The following RIBC1 variants were observed in gnomAD, a reference collection of about 807,000 sequenced individuals.
The protein encoded by RIBC1 is RIB43A domain with coiled-coils 1.
In RIBC1, 12 loss-of-function variants were observed where a neutral mutation model predicts 33.7. The ratio of observed to expected loss-of-function variants is 0.36; its 90% CI spans 0.23 to 0.58. The LOEUF (loss-of-function observed/expected upper bound fraction) is 0.58, where lower values mean the gene tolerates loss of function less well. Ranked by LOEUF, RIBC1 falls within the 20% of genes least tolerant of loss-of-function variation. The probability of loss-of-function intolerance (pLI) is 0.81; values close to 1 mark genes in which losing one functional copy is unlikely to be tolerated. For missense variants in RIBC1, 242 were observed against 311.6 expected (o/e 0.78, Z 1.68); for synonymous variants, 89 against 109.0 (o/e 0.82, Z 1.14).
Position 53,430,458 on chromosome X carries a change from G to A in RIBC1, c.726G>A (p.Ala242=), listed in dbSNP as rs372013652. 4.5e-5 allele frequency: 55 copies of A among 1,209,484 alleles called. No individual in the cohort carries two copies. The African/African-American group carries it at 5.1e-4, about 11-fold the overall frequency. The change falls in exon 7 of 8, where the codon GCG becomes GCA. Residue 242 remains alanine, a synonymous_variant. Coordinates refer to ENST00000375327, the MANE Select transcript of RIBC1 (RefSeq NM_001031745.5). ...AGCGTGAACAGAAGGCCAACCTTGCGGAGATCCAGCACCAGAGCACGAGTG... is the reference window on the plus strand; with the variant it reads ...AGCGTGAACAGAAGGCCAACCTTGCAGAGATCCAGCACCAGAGCACGAGTG... ...ERQREQKANL[A]EIQHQSTSDL... is the part of the protein sequence containing the mutation.
At chrX:53,423,560 G>A (rs962803781) in intron 2 of RIBC1, among the ~76,000 whole-genome samples, 158 bp downstream of exon 2, 1 of 111,301 alleles carries the variant, frequency 9.0e-6, no homozygotes, top group South Asian at 3.8e-4. Context: ...TCATTAATAA[G>A]GCAGGGGCCT....
In RIBC1 at chrX:53,422,905, C is replaced by T. The variant is rs1217284976; in HGVS notation, c.-189C>T. The T allele has an allele frequency of 3.6e-6, 1 of 278,114 alleles. No homozygotes were observed. The highest frequency in any genetic ancestry group is 6.7e-6 in the Non-Finnish European group (1 of 149,901). The allele number at this position is 278,114 out of a possible 1,213,427, so 22.9% of individuals were successfully genotyped here. On this transcript the variant is annotated 5_prime_UTR_variant, in exon 1 of 8. Transcript: ENST00000375327. ...CGGAGGAGTTGTTGCTGGGCGGAGT[C>T]AGAGCAGTTCTTGAGGTTCAAGGAG...
At chrX:53,426,047 G>A (rs1410486146) in intron 2 of RIBC1, among the ~76,000 whole-genome samples, 2 of 112,287 alleles carry the variant, frequency 1.8e-5, no homozygotes, top group Non-Finnish European at 3.8e-5. Context: ...TAACGTTGGA[G>A]CAAGAGAACC....
rs781882655 is a variant in RIBC1 at position 53,423,007 on chromosome X, G to A, written c.-90+3G>A. The A allele has an allele frequency of 6.5e-4, 150 of 232,336 alleles. No homozygotes were observed. The highest frequency in any genetic ancestry group is 4.1e-3 in the African/African-American group (141 of 34,748). The allele number at this position is 232,336 out of a possible 1,213,427, so 19.1% of individuals were successfully genotyped here. On this transcript the variant is annotated splice_donor_region_variant and intron_variant, in intron 1 of 7. Transcript: ENST00000375327. ...ATGCCCCTCAGGGCAAGAGGAAGGT[G>A]GGAGCTCGGCTGTGGCTTTAGCCTG...
intron 6 of RIBC1, 86 bp from the exon 7 acceptor site, chrX:53,430,310 A>G: frequency 1.3e-6 from 1 of 755,479 alleles, no homozygotes; most frequent in Admixed American, 3.2e-5. Context: ...CTTGAGATGG[A>G]AGAGTAGGGC....
intron 2 of RIBC1, among the ~76,000 whole-genome samples, chrX:53,425,186 G>A (rs1295955931): frequency 9.0e-6 from 1 of 111,663 alleles, no homozygotes; most frequent in Non-Finnish European, 1.9e-5. Context: ...CCCCGGGGTG[G>A]GAACAATTAC....
chrX:53,426,589 G>T (rs1556893274), intron 3 of RIBC1, among the ~76,000 whole-genome samples, 196 bp downstream of exon 3: 1 of 112,163 alleles, frequency 8.9e-6, no homozygotes, highest in Non-Finnish European at 1.9e-5. Context: ...ATAGGTCAGT[G>T]CAGGGGAAGA....
chrX:53,427,536 T>G (rs782507935), intron 3 of RIBC1, among the ~76,000 whole-genome samples: 1 of 112,302 alleles, frequency 8.9e-6, no homozygotes, highest in East Asian at 2.8e-4. Context: ...CCTGAAAGGG[T>G]TCACAGTCTG....
chrX:53,430,823 G>T (rs782232011), intron 7 of RIBC1, 33 bp downstream of exon 7: 2 of 1,204,534 alleles, frequency 1.7e-6, no homozygotes, highest in African/African-American at 3.5e-5. Flanking sequence ...GGAGATAAAT[G>T]CCAAGGGAGG....
chrX:53,428,948 T>C, intron 5 of RIBC1: 1 of 506,115 alleles, frequency 2.0e-6, no homozygotes, highest in East Asian at 4.9e-5. Flanking sequence ...ATCTTTAAAA[T>C]GAGAATAATA....
In RIBC1 at chrX:53,430,414, C is replaced by T. The variant is rs782243890; in HGVS notation, c.682C>T (p.Arg228Cys). The T allele has an allele frequency of 4.1e-6, 5 of 1,208,479 alleles. No individual in the cohort carries two copies. In the South Asian group the frequency reaches 5.3e-5, roughly 13 times the overall value. Residue 228 changes from arginine (R) to cysteine (C), a missense_variant, in exon 7 of 8, where the codon CGT (arginine) becomes TGT (cysteine). By Grantham distance (180) the Arg-to-Cys change is radical. Transcript: ENST00000375327. ...NKAQAAVQAG[R>C]QRCERQREQK... ...CCACCAGGCAGCTGTGCAGGCTGGGCGTCAGCGCTGTGAGCGTCAGCGTGA... is the reference window on the plus strand; with the variant it reads ...CCACCAGGCAGCTGTGCAGGCTGGGTGTCAGCGCTGTGAGCGTCAGCGTGA...
intron 7 of RIBC1, 31 bp from the exon 8 acceptor site, chrX:53,430,876 G>A (rs782304834): frequency 3.6e-5 from 43 of 1,208,760 alleles, no homozygotes; most frequent in Non-Finnish European, 4.6e-5. Flanking sequence ...GGGAAAGCAT[G>A]TCAGCTGAGA....
chrX:53,429,863 G>A lies in RIBC1; in HGVS notation c.554G>A (p.Ser185Asn). 1.7e-6 allele frequency: 2 copies of A among 1,210,521 alleles called. No individual in the cohort carries two copies. The highest frequency in any genetic ancestry group is 4.6e-4 in the Middle Eastern group (2 of 4,346). ...KVDENYTDAL[S>N]NQLRLAMDAQ... ...ATATTTCTCTGTGTAGATGCGCTCA[G>A]TAACCAGCTGCGCCTCGCCATGGAT... Residue 185 changes from serine to asparagine, a missense_variant, in exon 6 of 8, where the codon AGT (serine) becomes AAT (asparagine). Transcript: ENST00000375327.
intron 3 of RIBC1, among the ~76,000 whole-genome samples, chrX:53,427,583 A>C (rs900781064): frequency 8.0e-5 from 9 of 112,224 alleles, no homozygotes; most frequent in Non-Finnish European, 1.7e-4. Context: ...ACATCAATAT[A>C]ATGTAGACAG....
At chrX:53,424,706 TGGG>T (rs1162732992) in intron 2 of RIBC1, among the ~76,000 whole-genome samples, 2 of 109,016 alleles carry the variant, frequency 1.8e-5, no homozygotes, top group Non-Finnish European at 3.8e-5. Context: ...AGATGGCACT[TGGG>T]GGGAAAATTA....
At chrX:53,429,592 A>C in intron 5 of RIBC1, 5 of 738,338 alleles carry the variant, frequency 6.8e-6, no homozygotes, top group Non-Finnish European at 8.9e-6. Flanking sequence ...GAGATATGAA[A>C]TGATTTACCC....
intron 3 of RIBC1, among the ~76,000 whole-genome samples, chrX:53,427,364 G>A (rs1321805601): frequency 1.8e-5 from 2 of 112,174 alleles, no homozygotes; most frequent in Non-Finnish European, 3.8e-5. Context: ...TGGCAGCTTT[G>A]AAAACCAGTG....
rs2075814564 is a variant in RIBC1, at chrX:53,430,041, C to T, written c.663+69C>T. ...TGAACAAAATCCTGGAGAACCTTAG[C>T]CATATTCTTCCTCTTACATCCCCTC... On this transcript the variant is annotated intron_variant, in intron 6 of 7. Transcript: ENST00000375327. 6 of 880,246 alleles carry T rather than the reference C, an allele frequency of 6.8e-6. No homozygotes were observed. In the South Asian group the frequency reaches 1.4e-4, roughly 20 times the overall value. The allele number at this position is 880,246 out of a possible 1,213,427, so 72.5% of individuals were successfully genotyped here. A position where few individuals can be genotyped will look rare whatever the true frequency, so the allele number is the denominator to read the frequency against.
rs781967275 is a variant in RIBC1 at position 53,428,528 on chromosome X, A to G, written c.445A>G (p.Arg149Gly). ...LQYFSGEDLD[R>G]DTRLRMQQGQ... The stretch of plus-strand genomic sequence containing the variant: ...GTACTTCTCTGGGGAAGACCTAGAC[A>G]GGGACACACGGCTGAGAATGCAGCA... The change falls in exon 5 of 8, where the codon AGG (arginine) becomes GGG (glycine). Residue 149 changes from arginine (R) to glycine (G), a missense_variant. Physicochemically the swap from Arg to Gly is moderately radical, Grantham distance 125. Transcript: ENST00000375327. The G allele has an allele frequency of 1.7e-6, 2 of 1,210,095 alleles. No homozygotes were observed. Among genetic ancestry groups the G allele is most frequent in the Admixed American group, 4.4e-5 (2 of 45,877 alleles).
Sources: gnomAD v4.1 joint callset for allele counts (sites outside exome capture counted in the v4.1 genomes callset) on GRCh38, gnomAD v4.1.1 for gene constraint, MANE v1.5 for transcripts, NCBI Gene and HGNC (gene_info 2026-07-23, HGNC 2026-07-21) for gene names.